SNX18: variants seen among roughly 807,000 people sequenced by gnomAD.
The protein encoded by SNX18 is sorting nexin 18.
SNX18 carries 35 observed loss-of-function variants against 48.7 expected under a neutral mutation model. The observed-to-expected ratio is 0.72, with a 90% confidence interval of 0.55 to 0.95. The LOEUF (loss-of-function observed/expected upper bound fraction) is 0.95. SNX18 is among the 40% of genes least tolerant of loss of function. The pLI, the probability that SNX18 is intolerant of heterozygous loss-of-function variation, is 0.00. For missense variants in SNX18, 824 were observed against 871.0 expected, an observed-to-expected ratio of 0.95 and a Z score of 0.68; for synonymous variants, 492 against 384.7, an observed-to-expected ratio of 1.28 and a Z score of -3.26.
At chr5:54,582,782 T>C in the SNX18 span, among the ~76,000 whole-genome samples, 1 of 151,918 alleles carries the variant, frequency 6.6e-6, no homozygotes, top group African/African-American at 2.4e-5. Flanking sequence ...GAAAAATAAA[T>C]TAGAATCTGT....
chr5:54,562,474 A>G, the SNX18 span, among the ~76,000 whole-genome samples: 1 of 152,338 alleles, frequency 6.6e-6, no homozygotes, highest in Admixed American at 6.5e-5. Flanking sequence ...GGCCAACAGC[A>G]GGCCCCATGT....
intron 1 of SNX18, among the ~76,000 whole-genome samples, chr5:54,522,292 G>C (rs939957652): frequency 6.6e-6 from 1 of 152,082 alleles, no homozygotes; most frequent in Admixed American, 6.6e-5. Flanking sequence ...TCTCAATTCC[G>C]TCACCTCCCC....
chr5:54,518,348 C>T lies in SNX18; in HGVS notation c.396C>T (p.Ala132=), dbSNP rs1393850419. Residue 132 remains alanine, a synonymous_variant, in exon 1 of 2, where the codon GCC becomes GCT. Coordinates refer to ENST00000381410, the MANE Select transcript of SNX18 (RefSeq NM_001102575.2). ...PGAGFPYGGG[A]LQPSPQQLYG... is the part of the protein sequence containing the mutation. Reference sequence around the variant, plus strand: ...CGGGCTTCCCGTACGGCGGGGGCGCCCTGCAGCCGTCGCCTCAGCAGCTCT... The same window carrying T: ...CGGGCTTCCCGTACGGCGGGGGCGCTCTGCAGCCGTCGCCTCAGCAGCTCT... 6.5e-7 allele frequency: 1 copy of T among 1,529,238 alleles called. No homozygotes were observed. The highest frequency in any genetic ancestry group is 8.8e-7 in the Non-Finnish European group (1 of 1,141,082). The allele number at this position is 1,529,238 out of a possible 1,614,324, so 94.7% of individuals were successfully genotyped here. A position where few individuals can be genotyped will look rare whatever the true frequency, so the allele number is the denominator to read the frequency against.
In SNX18 at chr5:54,546,237, T is replaced by C. The variant is rs1762575652; in HGVS notation, c.*2805T>C. 3 of 152,266 alleles carry C rather than the reference T, an allele frequency of 2.0e-5. No individual in the cohort carries two copies. The highest frequency in any genetic ancestry group is 7.2e-5 in the African/African-American group (3 of 41,474). The allele number at this position is 152,266 out of a possible 1,614,324, so 9.4% of individuals were successfully genotyped here. A position where few individuals can be genotyped will look rare whatever the true frequency, so the allele number is the denominator to read the frequency against. On this transcript the variant is annotated 3_prime_UTR_variant, in exon 2 of 2. Transcript: ENST00000381410. ...GCCGATTTTTAATTGTCTTAAATTT[T>C]GCTGCTGTTCTCATAATTAAGGACT... is the stretch of plus-strand genomic sequence containing the variant.
At chr5:54,603,103 C>G in the SNX18 span, among the ~76,000 whole-genome samples, 1 of 152,004 alleles carries the variant, frequency 6.6e-6, no homozygotes, top group Non-Finnish European at 1.5e-5. Context: ...AATTATTACA[C>G]ATAAAATGTA....
the SNX18 span, among the ~76,000 whole-genome samples, chr5:54,610,605 C>T: frequency 1.3e-5 from 2 of 152,300 alleles, no homozygotes; most frequent in African/African-American, 2.4e-5. Context: ...AGGCAAATAA[C>T]CAAAGAGATT....
At chr5:54,630,329 G>A in the SNX18 span, among the ~76,000 whole-genome samples, 1 of 152,224 alleles carries the variant, frequency 6.6e-6, no homozygotes, top group South Asian at 2.1e-4. Flanking sequence ...GTACCTGTGT[G>A]TGTGTGTGCG....
chr5:54,554,041 C>T, the SNX18 span, among the ~76,000 whole-genome samples: 1 of 152,230 alleles, frequency 6.6e-6, no homozygotes, highest in Non-Finnish European at 1.5e-5. Flanking sequence ...CTCCGTGGAG[C>T]TCCCATGCTC....
the SNX18 span, among the ~76,000 whole-genome samples, chr5:54,634,981 G>GC: frequency 3.9e-5 from 6 of 152,002 alleles, no homozygotes; most frequent in Admixed American, 3.9e-4. Flanking sequence ...TTACAATTTT[G>GC]CAATTTTAAA....
chr5:54,622,019 G>C, the SNX18 span, among the ~76,000 whole-genome samples: 1 of 152,372 alleles, frequency 6.6e-6, no homozygotes, highest in African/African-American at 2.4e-5. Flanking sequence ...AGCATGGGCT[G>C]ATTCTGGGAC....
the SNX18 span, among the ~76,000 whole-genome samples, chr5:54,607,794 C>G: frequency 6.6e-6 from 1 of 151,942 alleles, no homozygotes; most frequent in African/African-American, 2.4e-5. Context: ...ATTAACCGGG[C>G]GTGGTGGTGG....
the SNX18 span, among the ~76,000 whole-genome samples, chr5:54,618,054 A>G: frequency 6.6e-6 from 1 of 152,240 alleles, no homozygotes; most frequent in South Asian, 2.1e-4. Context: ...CATAATCCCC[A>G]CATGTCATGG....
At chr5:54,533,520 T>C (rs1167287451) in intron 1 of SNX18, among the ~76,000 whole-genome samples, 1 of 152,166 alleles carries the variant, frequency 6.6e-6, no homozygotes, top group East Asian at 1.9e-4. Flanking sequence ...TCGCCATGGG[T>C]AGGGTATCCC....
the SNX18 span, among the ~76,000 whole-genome samples, chr5:54,552,445 C>G: frequency 6.6e-6 from 1 of 152,198 alleles, no homozygotes; most frequent in Non-Finnish European, 1.5e-5. Flanking sequence ...GGCTCTTTTA[C>G]TCTTTCAATA....
chr5:54,608,920 T>C, the SNX18 span, among the ~76,000 whole-genome samples: 1 of 152,232 alleles, frequency 6.6e-6, no homozygotes, highest in Admixed American at 6.5e-5. Context: ...CACTCTAGTT[T>C]ACAGCTGTGG....
chr5:54,588,452 C>T, the SNX18 span, among the ~76,000 whole-genome samples: 243 of 151,330 alleles, frequency 1.6e-3, 5 homozygotes, highest in East Asian at 0.035. Flanking sequence ...CTCAGCCTCC[C>T]GAGCAGCTGG....
the SNX18 span, among the ~76,000 whole-genome samples, chr5:54,634,022 C>A: frequency 2.0e-5 from 3 of 152,282 alleles, no homozygotes; most frequent in South Asian, 4.1e-4. Context: ...TTCATTTTGA[C>A]CCCAAACAAC....
chr5:54,569,340 C>A, the SNX18 span, among the ~76,000 whole-genome samples: 2 of 152,156 alleles, frequency 1.3e-5, no homozygotes, highest in Non-Finnish European at 2.9e-5. Flanking sequence ...AAGTTGAGTG[C>A]ACTATTCATG....
chr5:54,543,022 T>A (rs1267819576), intron 1 of SNX18, among the ~76,000 whole-genome samples, 157 bp from the exon 2 acceptor site: 1 of 152,206 alleles, frequency 6.6e-6, no homozygotes, highest in East Asian at 1.9e-4. Flanking sequence ...CTTCTTTTTT[T>A]AAAATGAGTA....
Sources: allele counts gnomAD v4.1 joint callset (sites outside exome capture counted in the v4.1 genomes callset), GRCh38; gene constraint gnomAD v4.1.1; transcripts MANE v1.5; gene names NCBI Gene and HGNC (gene_info 2026-07-23, HGNC 2026-07-21).